Variants in TRHDE observed in about 807,000 individuals in gnomAD.
TRHDE encodes the protein thyrotropin releasing hormone degrading enzyme, also known as thyrotropin-releasing hormone-degrading ectoenzyme.
Under a neutral mutation model 125.7 loss-of-function variants are expected in TRHDE, and 72 were observed. That is an observed-to-expected ratio of 0.57 (90% confidence interval 0.47 to 0.70). The LOEUF is 0.70. Ranked by LOEUF, TRHDE falls within the 30% of genes least tolerant of loss-of-function variation. The pLI is 0.00. For missense variants in TRHDE, 1,110 were observed against 1,327.1 expected (o/e 0.84, Z 2.54); for synonymous variants, 509 against 509.1 (o/e 1.00, Z 0.00).
chr12:72,516,725 T>A lies in TRHDE; in HGVS notation c.1722+17090T>A, dbSNP rs1455588707. 2.6e-3 allele frequency among the ~76,000 whole-genome samples: 399 copies of A among 151,108 alleles called. 2 individuals are homozygous for A. Among genetic ancestry groups the A allele is most frequent in the Non-Finnish European group, 4.4e-3 (294 of 67,304 alleles). On this transcript the variant is annotated intron_variant, in intron 6 of 18. Transcript: ENST00000261180. ...AGAGGGCATCCCTGTCTTGTGCCAG[T>A]TTTCAAAGGGAATGCTTCCAGTTTT...
intron 6 of TRHDE, among the ~76,000 whole-genome samples, chr12:72,533,227 C>T (rs555754963): frequency 5.9e-5 from 9 of 151,744 alleles, no homozygotes; most frequent in South Asian, 2.1e-4. Context: ...CAGGCTGGAA[C>T]GCAGTGGCGT....
intron 2 of TRHDE, among the ~76,000 whole-genome samples, chr12:72,299,010 C>T (rs74105308): frequency 1.4e-4 from 22 of 152,050 alleles, no homozygotes; most frequent in Non-Finnish European, 4.4e-5. Context: ...AGAGAAGAAT[C>T]TCTGGGTGAC....
At chr12:72,603,010 A>T (rs903387339) in intron 12 of TRHDE, among the ~76,000 whole-genome samples, 3 of 152,214 alleles carry the variant, frequency 2.0e-5, no homozygotes, top group African/African-American at 7.2e-5. Context: ...ATAACAACAG[A>T]ACTATAACAC....
At chr12:72,222,746 C>G (rs898963596) in intron 2 of TRHDE, among the ~76,000 whole-genome samples, 8 of 152,108 alleles carry the variant, frequency 5.3e-5, no homozygotes, top group Non-Finnish European at 1.0e-4. Flanking sequence ...AGACCCCTAT[C>G]TGCATTCATA....
At chr12:72,195,529 G>T (rs567977748) in intron 2 of TRHDE, among the ~76,000 whole-genome samples, 10 of 151,430 alleles carry the variant, frequency 6.6e-5, no homozygotes, top group African/African-American at 2.4e-4. Context: ...TCATATTGTT[G>T]GCCACTTGTA....
chr12:72,570,306 C>T (rs770742278), intron 10 of TRHDE, among the ~76,000 whole-genome samples: 1 of 152,016 alleles, frequency 6.6e-6, no homozygotes, highest in Admixed American at 6.5e-5. Flanking sequence ...CCAGGCTGGG[C>T]GCTGTGGCTC....
At chr12:72,537,007 C>G (rs1265019413) in intron 6 of TRHDE, among the ~76,000 whole-genome samples, 1 of 152,026 alleles carries the variant, frequency 6.6e-6, no homozygotes, top group Non-Finnish European at 1.5e-5. Context: ...ATTGGGATCA[C>G]AAGAGGTCAT....
chr12:72,272,931 G>C lies in TRHDE; in HGVS notation c.288G>C (p.Leu96Phe). Residue 96 changes from leucine (L) to phenylalanine (F), a missense_variant, in exon 1 of 19, where the codon TTG (leucine) becomes TTC (phenylalanine). Leu to Phe is a conservative substitution (Grantham distance 22, BLOSUM62 0). This residue lies in a region of TRHDE where 248 missense variants were observed against 240.8 expected (regional missense o/e 1.03). Coordinates refer to ENST00000261180, the MANE Select transcript of TRHDE (RefSeq NM_013381.3). The surrounding 1 kb of genome is among the most constrained non-coding windows in gnomAD (Gnocchi z 6.7). ...CCTTCGCTGTGTCCCTCGTGGCATTGCTCGCGGTCACAATGCTCGCTGTGC... is the reference window on the plus strand; with the variant it reads ...CCTTCGCTGTGTCCCTCGTGGCATTCCTCGCGGTCACAATGCTCGCTGTGC... The part of the protein sequence containing the change: ...VLAFAVSLVA[L>F]LAVTMLAVLL... 1 of 1,577,932 alleles carries C rather than the reference G, an allele frequency of 6.3e-7. No individual in the cohort carries two copies. Among genetic ancestry groups the C allele is most frequent in the Non-Finnish European group, 8.5e-7 (1 of 1,169,840 alleles).
chr12:72,630,402 A>C (rs1022284874), intron 15 of TRHDE, among the ~76,000 whole-genome samples: 1 of 151,708 alleles, frequency 6.6e-6, no homozygotes, highest in Non-Finnish European at 1.5e-5. Flanking sequence ...GAAGCTGGAG[A>C]GAGGCATGGG....
At chr12:72,637,246 C>G (rs1026554766) in intron 15 of TRHDE, among the ~76,000 whole-genome samples, 1 of 152,130 alleles carries the variant, frequency 6.6e-6, no homozygotes, top group Admixed American at 6.6e-5. Context: ...GTGTTTGTGT[C>G]GAGGCATTTA....
intron 6 of TRHDE, among the ~76,000 whole-genome samples, chr12:72,500,963 G>T (rs1480000241): frequency 7.0e-6 from 1 of 142,798 alleles, no homozygotes; most frequent in East Asian, 2.2e-4. Context: ...TGTGCATTAT[G>T]TTTATAAAAC....
intron 12 of TRHDE, among the ~76,000 whole-genome samples, chr12:72,589,643 A>G (rs1002170829): frequency 2.0e-5 from 3 of 152,044 alleles, no homozygotes; most frequent in Non-Finnish European, 2.9e-5. Context: ...TCTTGAGTCT[A>G]TTTTGGTAAT....
chr12:72,434,081 T>C (rs868151770), intron 3 of TRHDE, among the ~76,000 whole-genome samples: 1 of 152,054 alleles, frequency 6.6e-6, no homozygotes, highest in African/African-American at 2.4e-5. Context: ...ACTTAGTAAA[T>C]TTTCTTAAAT....
At chr12:72,106,748 T>C (rs1231181690) in intron 2 of TRHDE, among the ~76,000 whole-genome samples, 1 of 152,098 alleles carries the variant, frequency 6.6e-6, no homozygotes, top group Non-Finnish European at 1.5e-5. Flanking sequence ...CATTCACTCA[T>C]TCATTCATTC....
intron 5 of TRHDE, among the ~76,000 whole-genome samples, chr12:72,477,491 C>T (rs548296644): frequency 1.3e-5 from 2 of 152,258 alleles, no homozygotes; most frequent in South Asian, 2.1e-4. Context: ...GCTGAAGACA[C>T]ATTTCAAAGA....
intron 5 of TRHDE, among the ~76,000 whole-genome samples, chr12:72,498,517 A>G (rs2135934508): frequency 6.6e-6 from 1 of 152,254 alleles, no homozygotes; most frequent in Admixed American, 6.5e-5. Flanking sequence ...CTTAGGTCAC[A>G]ACTATCTAGG....
At chr12:72,111,414 T>C (rs1875312858) in intron 2 of TRHDE, among the ~76,000 whole-genome samples, 1 of 152,046 alleles carries the variant, frequency 6.6e-6, no homozygotes, top group Admixed American at 6.6e-5. Context: ...CTTCCCTCAG[T>C]AGTTTAGAAA....
At chr12:72,404,245 C>T (rs547577060) in intron 3 of TRHDE, among the ~76,000 whole-genome samples, 1 of 152,212 alleles carries the variant, frequency 6.6e-6, no homozygotes, top group South Asian at 2.1e-4. Flanking sequence ...GAAACCCTGT[C>T]TCTACTAAAA....
chr12:72,093,171 G>T (rs1874832176), intron 1 of TRHDE, among the ~76,000 whole-genome samples: 1 of 152,190 alleles, frequency 6.6e-6, no homozygotes, highest in African/African-American at 2.4e-5. Context: ...GGTCTGGAAG[G>T]TTTCTGCTGA....
Sources: allele counts gnomAD v4.1 joint callset (sites outside exome capture counted in the v4.1 genomes callset), GRCh38; gene constraint gnomAD v4.1.1; regional missense constraint gnomAD v4.1.1; non-coding constraint Gnocchi (gnomAD v3.1); transcripts MANE v1.5; gene names NCBI Gene and HGNC (gene_info 2026-07-23, HGNC 2026-07-21).